Variants in ROBO1 observed in about 807,000 individuals in gnomAD.
ROBO1 encodes the protein roundabout guidance receptor 1.
Under a neutral mutation model 195.9 loss-of-function variants are expected in ROBO1, and 149 were observed. The observed-to-expected ratio is 0.76, with a 90% CI of 0.67 to 0.87. The LOEUF is 0.87. Ranked by LOEUF, ROBO1 falls within the 40% of genes least tolerant of loss-of-function variation. The pLI, the probability that ROBO1 is intolerant of heterozygous loss-of-function variation, is 0.00. For synonymous variants in ROBO1, 816 were observed against 733.2 expected (o/e 1.11, Z -1.82); for missense variants, 1,933 against 2,068.3 (o/e 0.93, Z 1.27).
At chr3:78,780,371 A>C (rs2083639509) in intron 4 of ROBO1, among the ~76,000 whole-genome samples, 2 of 152,318 alleles carry the variant, frequency 1.3e-5, no homozygotes, top group South Asian at 2.1e-4. Flanking sequence ...TAGCCAATAA[A>C]GAAAATACTA....
At chr3:78,824,525 T>C (rs920662824) in intron 4 of ROBO1, among the ~76,000 whole-genome samples, 3 of 152,136 alleles carry the variant, frequency 2.0e-5, no homozygotes, top group African/African-American at 4.8e-5. Context: ...CAAGACACTA[T>C]TCGGAGCTGC....
chr3:79,545,132 C>A (rs1942217529), intron 2 of ROBO1, among the ~76,000 whole-genome samples: 1 of 151,888 alleles, frequency 6.6e-6, no homozygotes. Flanking sequence ...CAATGAGCTG[C>A]GTATGATCAG....
chr3:79,762,245 G>C (rs1704737056), intron 1 of ROBO1, among the ~76,000 whole-genome samples: 1 of 152,026 alleles, frequency 6.6e-6, no homozygotes. Context: ...CTTATGTTTA[G>C]TCGGGGGGGA....
At chr3:78,874,162 T>C (rs1436026470) in intron 4 of ROBO1, among the ~76,000 whole-genome samples, 5 of 152,010 alleles carry the variant, frequency 3.3e-5, no homozygotes, top group African/African-American at 7.2e-5. Context: ...CTGTATCAAA[T>C]TGCAGCACTT....
chr3:79,507,295 G>A (rs1302247827), intron 2 of ROBO1, among the ~76,000 whole-genome samples: 1 of 152,150 alleles, frequency 6.6e-6, no homozygotes, highest in Non-Finnish European at 1.5e-5. Flanking sequence ...CACACTCTGA[G>A]AACAACTCTA....
chr3:78,900,561 T>C (rs1328808908), intron 4 of ROBO1, among the ~76,000 whole-genome samples: 2 of 152,164 alleles, frequency 1.3e-5, no homozygotes, highest in African/African-American at 4.8e-5. Context: ...TTAAAATTAA[T>C]TGGTCTTAGA....
intron 4 of ROBO1, among the ~76,000 whole-genome samples, chr3:78,758,672 T>TTG (rs1576104384): frequency 6.6e-6 from 1 of 152,062 alleles, no homozygotes; most frequent in Non-Finnish European, 1.5e-5. Flanking sequence ...TAAATGTTAT[T>TTG]TGTGTGTGTG....
At chr3:78,793,925 A>G (rs541191126) in intron 4 of ROBO1, among the ~76,000 whole-genome samples, 17 of 152,292 alleles carry the variant, frequency 1.1e-4, no homozygotes, top group Admixed American at 1.0e-3. Flanking sequence ...AAATATTTAA[A>G]TTTAAAGTAT....
Position 78,670,352 on chromosome 3 carries a change from C to T in ROBO1, c.1343-51G>A. The T allele has an allele frequency of 2.0e-6, 3 of 1,480,066 alleles. No homozygotes were observed. The South Asian group carries it at 3.6e-5, about 18-fold the overall frequency. The allele number at this position is 1,480,066 out of a possible 1,614,324, so 91.7% of individuals were successfully genotyped here. On this transcript the variant is annotated intron_variant, in intron 10 of 30. Transcript: ENST00000464233. ...GATTTCTGCAACTGGAAGCAATTTT[C>T]TAATCATCCAAGCAACAGCAGTTGT...
Position 78,914,203 on chromosome 3 carries a change from A to G in ROBO1, c.499+24398T>C, listed in dbSNP as rs565262659. On this transcript the variant is annotated intron_variant, in intron 4 of 30. Coordinates refer to ENST00000464233, the MANE Select transcript of ROBO1 (RefSeq NM_002941.4). ...CATATGTTGTGCTTCACAATTTGCA[A>G]CAATAATTTCATATTACATTATTCA... Among the ~76,000 whole-genome samples the G allele has an allele frequency of 2.0e-5, 3 of 152,316 alleles. No individual in the cohort carries two copies. The East Asian group carries it at 5.8e-4, about 29-fold the overall frequency.
intron 2 of ROBO1, among the ~76,000 whole-genome samples, chr3:79,262,907 C>T (rs2108946072): frequency 6.6e-6 from 1 of 152,132 alleles, no homozygotes; most frequent in South Asian, 2.1e-4. Context: ...GATGGAGGAA[C>T]ACCTCATATC....
rs1330600237 is a variant in ROBO1 at position 78,938,665 on chromosome 3, A to G, written c.435T>C (p.Tyr145=). 7 of 1,613,972 alleles carry G rather than the reference A, an allele frequency of 4.3e-6. No homozygotes were observed. Among genetic ancestry groups the G allele is most frequent in the South Asian group, 3.3e-5 (3 of 91,072 alleles). ...GRKSRPDEGV[Y]VCVARNYLGE... is the part of the protein sequence containing the mutation. ...CAAGGTAATTCCTTGCTACACAGAC[A>G]TAGACTCCTTCATCAGGTCTACTTT... Residue 145 remains tyrosine (Y), a synonymous_variant, in exon 4 of 31, where the codon TAT becomes TAC. Coordinates refer to ENST00000464233, the MANE Select transcript of ROBO1 (RefSeq NM_002941.4).
At chr3:79,720,548 T>C (rs1423375220) in intron 1 of ROBO1, among the ~76,000 whole-genome samples, 1 of 152,168 alleles carries the variant, frequency 6.6e-6, no homozygotes, top group Non-Finnish European at 1.5e-5. Context: ...TCTTGTGTGG[T>C]TTCCTAGCCA....
intron 2 of ROBO1, among the ~76,000 whole-genome samples, chr3:79,231,717 T>C (rs1292148456): frequency 6.6e-6 from 1 of 152,180 alleles, no homozygotes; most frequent in Non-Finnish European, 1.5e-5. Flanking sequence ...ACTGGGTATA[T>C]ACCCAAAAGG....
At chr3:79,165,214 C>T (rs896819680) in intron 2 of ROBO1, among the ~76,000 whole-genome samples, 2 of 152,128 alleles carry the variant, frequency 1.3e-5, no homozygotes, top group Non-Finnish European at 2.9e-5. Flanking sequence ...CAGTGGAGCT[C>T]AATAACTTTA....
chr3:79,177,890 T>G (rs2108721975), intron 2 of ROBO1, among the ~76,000 whole-genome samples: 1 of 152,362 alleles, frequency 6.6e-6, no homozygotes, highest in Non-Finnish European at 1.5e-5. Flanking sequence ...ACTTATAATT[T>G]AAGAAATTAT....
At chr3:79,458,853 G>A (rs1434886329) in intron 2 of ROBO1, among the ~76,000 whole-genome samples, 2 of 151,108 alleles carry the variant, frequency 1.3e-5, no homozygotes, top group Non-Finnish European at 2.9e-5. Flanking sequence ...CAGAAGAATA[G>A]GTACATATCC....
At chr3:79,645,474 C>T (rs1945791881) in intron 1 of ROBO1, among the ~76,000 whole-genome samples, 1 of 151,880 alleles carries the variant, frequency 6.6e-6, no homozygotes. Flanking sequence ...TGCACTATAG[C>T]CCGGGAGACA....
At chr3:79,236,341 A>G (rs1040779890) in intron 2 of ROBO1, among the ~76,000 whole-genome samples, 3 of 151,992 alleles carry the variant, frequency 2.0e-5, no homozygotes, top group African/African-American at 7.3e-5. Flanking sequence ...CAGTGGCAAC[A>G]TTTTCATGTT....
Sources: gnomAD v4.1 joint callset for allele counts (sites outside exome capture counted in the v4.1 genomes callset) on GRCh38, gnomAD v4.1.1 for gene constraint, MANE v1.5 for transcripts, NCBI Gene and HGNC (gene_info 2026-07-23, HGNC 2026-07-21) for gene names.